NTM: variants seen among roughly 807,000 people sequenced by gnomAD.
NTM encodes the protein IgLON family member 2.
Under a neutral mutation model 42.1 loss-of-function variants are expected in NTM, and 13 were observed. The ratio of observed to expected loss-of-function variants is 0.31; its 90% CI spans 0.20 to 0.49. NTM has a LOEUF of 0.49. Ranked by LOEUF, NTM falls within the 20% of genes least tolerant of loss-of-function variation. The probability of loss-of-function intolerance (pLI) is 0.99; values close to 1 mark genes in which losing one functional copy is unlikely to be tolerated. For missense variants in NTM, 373 were observed against 452.8 expected (o/e 0.82, Z 1.60); for synonymous variants, 187 against 179.2 (o/e 1.04, Z -0.35).
chr11:131,750,536 A>C (rs1285390940), intron 1 of NTM, among the ~76,000 whole-genome samples: 1 of 152,192 alleles, frequency 6.6e-6, no homozygotes, highest in East Asian at 1.9e-4. Flanking sequence ...GCCAGAGACC[A>C]AGTGGCCTCC....
chr11:131,473,160 C>G (rs1322768657), intron 1 of NTM, among the ~76,000 whole-genome samples: 1 of 152,140 alleles, frequency 6.6e-6, no homozygotes, highest in Non-Finnish European at 1.5e-5. Flanking sequence ...TCCCACCAGG[C>G]CCTTGAACAG....
At chr11:131,444,687 G>A (rs989363941) in intron 1 of NTM, among the ~76,000 whole-genome samples, 6 of 152,088 alleles carry the variant, frequency 3.9e-5, no homozygotes, top group Non-Finnish European at 5.9e-5. Flanking sequence ...GGGGGGTGTG[G>A]CACAGAACAT....
intron 1 of NTM, among the ~76,000 whole-genome samples, chr11:131,385,728 A>G (rs1591523783): frequency 6.6e-6 from 1 of 152,164 alleles, no homozygotes; most frequent in East Asian, 1.9e-4. Flanking sequence ...GCAGAGGTGC[A>G]CACCTGTAGT....
chr11:131,622,174 A>T (rs2062645580), intron 1 of NTM, among the ~76,000 whole-genome samples: 1 of 152,210 alleles, frequency 6.6e-6, no homozygotes, highest in Non-Finnish European at 1.5e-5. Context: ...CAGAAGATAA[A>T]GTTCCTGTAA....
rs147896515 is a variant in NTM, at chr11:132,099,742, G to A, written c.168-46540G>A. ...GACCCTGCTACTTTCCGGATAACAA[G>A]CCTGAGTACCTACATAATACAAAAT... On this transcript the variant is annotated intron_variant, in intron 2 of 8. Coordinates refer to ENST00000683400, the MANE Select transcript of NTM (RefSeq NM_001352005.2). 4.5e-3 allele frequency among the ~76,000 whole-genome samples: 680 copies of A among 152,296 alleles called. 4 individuals carry two copies. The highest frequency in any genetic ancestry group is 0.015 in the African/African-American group (638 of 41,564).
intron 1 of NTM, among the ~76,000 whole-genome samples, chr11:131,388,347 A>G (rs897827887): frequency 1.3e-5 from 2 of 151,942 alleles, no homozygotes; most frequent in Admixed American, 6.5e-5. Flanking sequence ...GACACCAGAT[A>G]TATTTAAATT....
At chr11:132,197,197 G>A (rs1038561288) in intron 3 of NTM, among the ~76,000 whole-genome samples, 4 of 152,166 alleles carry the variant, frequency 2.6e-5, no homozygotes, top group African/African-American at 7.2e-5. Context: ...CAGTGTGATA[G>A]CATCAAGCCA....
chr11:132,223,096 C>T (rs1046055878), intron 4 of NTM, among the ~76,000 whole-genome samples: 6 of 152,204 alleles, frequency 3.9e-5, no homozygotes, highest in Non-Finnish European at 8.8e-5. Context: ...TGGATTTTGT[C>T]CCCAGGAAAA....
chr11:131,434,550 GT>G (rs1360177080), intron 1 of NTM, among the ~76,000 whole-genome samples: 2 of 152,018 alleles, frequency 1.3e-5, no homozygotes, highest in African/African-American at 4.8e-5. Context: ...GATGATGAGT[GT>G]TTTTTTCATG....
At chr11:131,559,999 T>A (rs1182718077) in intron 1 of NTM, among the ~76,000 whole-genome samples, 1 of 152,216 alleles carries the variant, frequency 6.6e-6, no homozygotes, top group Non-Finnish European at 1.5e-5. Context: ...ACATCAGGAC[T>A]CAAATTCGAC....
intron 4 of NTM, among the ~76,000 whole-genome samples, chr11:132,305,023 A>C: frequency 6.6e-6 from 1 of 152,196 alleles, no homozygotes; most frequent in East Asian, 1.9e-4. Flanking sequence ...ACCTGACATA[A>C]ATATACAAAA....
intron 2 of NTM, among the ~76,000 whole-genome samples, chr11:132,072,959 C>G (rs2136187743): frequency 6.6e-6 from 1 of 152,296 alleles, no homozygotes; most frequent in African/African-American, 2.4e-5. Context: ...TACTCTATGG[C>G]CAGATGCGTG....
chr11:131,880,263 C>A (rs1257109304), intron 1 of NTM, among the ~76,000 whole-genome samples: 1 of 152,198 alleles, frequency 6.6e-6, no homozygotes, highest in Admixed American at 6.5e-5. Flanking sequence ...AGGCTGCAGC[C>A]CTTGCTGGTG....
intron 1 of NTM, among the ~76,000 whole-genome samples, chr11:131,873,442 T>C (rs2048007918): frequency 6.6e-6 from 1 of 151,340 alleles, no homozygotes; most frequent in Admixed American, 6.6e-5. Context: ...GATGGGTTGA[T>C]GGGTGCAGCA....
chr11:131,918,307 A>C (rs930123008), intron 2 of NTM, among the ~76,000 whole-genome samples: 1 of 152,208 alleles, frequency 6.6e-6, no homozygotes, highest in Non-Finnish European at 1.5e-5. Flanking sequence ...CAATGCATTT[A>C]GCTGACATTT....
In NTM at chr11:132,219,139, C is replaced by G. The variant is rs1182283291; in HGVS notation, c.526+6992C>G. On this transcript the variant is annotated intron_variant, in intron 4 of 8. Transcript: ENST00000683400. ...TTTGCACACCCCATCTGTTCTCCTT[C>G]CATCCCCCCTACTTCTTTTGGTTTG... Among the ~76,000 whole-genome samples the G allele has an allele frequency of 2.0e-5, 3 of 152,294 alleles. No homozygotes were observed. The East Asian group carries it at 5.8e-4, about 29-fold the overall frequency.
At chr11:131,958,083 CTGTT>C (rs2061748691) in intron 2 of NTM, among the ~76,000 whole-genome samples, 2 of 152,174 alleles carry the variant, frequency 1.3e-5, no homozygotes, top group African/African-American at 4.8e-5. Context: ...GACACCACCT[CTGTT>C]TGTTTTCCTT....
At chr11:131,830,842 C>G (rs2042728032) in intron 1 of NTM, among the ~76,000 whole-genome samples, 1 of 152,150 alleles carries the variant, frequency 6.6e-6, no homozygotes, top group Admixed American at 6.5e-5. Context: ...TCTTTGATTT[C>G]TTTCAGCAGT....
intron 3 of NTM, among the ~76,000 whole-genome samples, chr11:132,169,666 G>A (rs2075855359): frequency 6.6e-6 from 1 of 151,952 alleles, no homozygotes; most frequent in South Asian, 2.1e-4. Flanking sequence ...TCTTAGACTG[G>A]CAGTATCATT....
Sources: allele counts gnomAD v4.1 joint callset (sites outside exome capture counted in the v4.1 genomes callset), GRCh38; gene constraint gnomAD v4.1.1; transcripts MANE v1.5; gene names NCBI Gene and HGNC (gene_info 2026-07-23, HGNC 2026-07-21).